The following ZNF345 variants were observed in gnomAD, a reference collection of about 807,000 sequenced individuals.
The protein encoded by ZNF345 is zinc finger protein HZF10.
For synonymous variants in ZNF345, 166 were observed against 187.9 expected (o/e 0.88, Z 0.95); for missense variants, 527 against 589.9 (o/e 0.89, Z 1.10).
At chr19:36,858,007 T>G (rs894474231) in intron 2 of ZNF345, among the ~76,000 whole-genome samples, 1 of 151,468 alleles carries the variant, frequency 6.6e-6, no homozygotes, top group Non-Finnish European at 1.5e-5. Flanking sequence ...CTCAAACTCC[T>G]GACCTCAGGT....
chr19:36,851,319 CGT>C (rs1258614561), intron 1 of ZNF345: 3 of 151,190 alleles, frequency 2.0e-5, no homozygotes, highest in African/African-American at 2.4e-5. Flanking sequence ...TGGCTGCTTC[CGT>C]GTGTGTGTGT....
chr19:36,851,499 G>A (rs1290069552), intron 1 of ZNF345: 2 of 152,596 alleles, frequency 1.3e-5, no homozygotes, highest in Non-Finnish European at 2.9e-5. Context: ...TTGTGTTTAG[G>A]TTTGGGGTGC....
At chr19:36,881,501 A>G (rs567745377), downstream of ZNF345, among the ~76,000 whole-genome samples, 119 of 152,252 alleles carry the variant, frequency 7.8e-4, no homozygotes, top group Non-Finnish European at 1.5e-3. Context: ...AAGGCTGGGG[A>G]AAAAAACCCT....
intron 3 of ZNF345, chr19:36,889,602 G>A (rs2073031415): frequency 6.6e-6 from 1 of 152,094 alleles, no homozygotes; most frequent in Non-Finnish European, 1.5e-5. Flanking sequence ...TATTTTATAT[G>A]TCTGTGTTAT....
At chr19:36,854,235 G>GTTTTTTTTTT (rs34215056) in intron 2 of ZNF345, among the ~76,000 whole-genome samples, 2 of 138,700 alleles carry the variant, frequency 1.4e-5, no homozygotes. Context: ...CCTGGGTTTT[G>GTTTTTTTTTT]TTTTTTTTTT....
At chr19:36,855,447 C>T (rs1455454377) in intron 2 of ZNF345, among the ~76,000 whole-genome samples, 2 of 58,588 alleles carry the variant, frequency 3.4e-5, no homozygotes, top group African/African-American at 1.4e-4. Flanking sequence ...CGAGCCTGGC[C>T]TTTTTTTTTT....
At chr19:36,852,949 T>G (rs1214950049) in intron 2 of ZNF345, among the ~76,000 whole-genome samples, 1 of 150,862 alleles carries the variant, frequency 6.6e-6, no homozygotes, top group Non-Finnish European at 1.5e-5. Context: ...TTATAAGGTG[T>G]TGTTCAAATA....
chr19:36,850,968 C>A lies in ZNF345; in HGVS notation c.-122C>A, dbSNP rs1229833723. The A allele has an allele frequency of 6.5e-6, 1 of 153,010 alleles. No individual in the cohort carries two copies. Among genetic ancestry groups the A allele is most frequent in the Non-Finnish European group, 1.5e-5 (1 of 68,516 alleles). 9.5% of individuals were successfully genotyped at this position (153,010 alleles called of 1,614,324 possible). ...ACGGAGCTGACCCTATCCGAACAGG[C>A]GTAAGTGAGGCGGCTCGGAGCCTGG... On this transcript the variant is annotated splice_region_variant and 5_prime_UTR_variant, in exon 1 of 3. Coordinates refer to ENST00000420450, the MANE Select transcript of ZNF345 (RefSeq NM_001242472.2).
At chr19:36,853,261 T>TC (rs995917179) in intron 2 of ZNF345, among the ~76,000 whole-genome samples, 3 of 149,678 alleles carry the variant, frequency 2.0e-5, no homozygotes, top group African/African-American at 7.4e-5. Flanking sequence ...TTTTTTTTTT[T>TC]TTTTGACTCG....
intron 2 of ZNF345, 118 bp from the exon 3 acceptor site, chr19:36,876,667 T>C (rs1173539391): frequency 6.0e-6 from 4 of 670,356 alleles, no homozygotes; most frequent in Non-Finnish European, 9.6e-6. Context: ...GAGAACTGTA[T>C]AAACCACTCA....
intron 2 of ZNF345, among the ~76,000 whole-genome samples, chr19:36,860,647 A>G (rs1026457897): frequency 6.6e-6 from 1 of 152,212 alleles, no homozygotes; most frequent in Non-Finnish European, 1.5e-5. Flanking sequence ...CAGGAATACC[A>G]TAAAGGTAAT....
rs35747733 is a variant in ZNF345 at position 36,852,128 on chromosome 19, CTTTT to C, written c.-47+240_-47+243del. Reference sequence around the variant, plus strand: ...CTTTTTCTTTTTTTTTTCTTTCTTTCTTTTTTTTTTTTTTTTTTTGAGACAGAAT... The same window carrying C: ...CTTTTTCTTTTTTTTTTCTTTCTTTCTTTTTTTTTTTTTTTGAGACAGAAT... On this transcript the variant is annotated intron_variant, in intron 2 of 2. Transcript: ENST00000420450. Among the ~76,000 whole-genome samples, 5 of 102,674 alleles carry C rather than the reference CTTTT, an allele frequency of 4.9e-5. No individual in the cohort carries two copies. The South Asian group carries it at 9.8e-4, about 20-fold the overall frequency. 67.4% of individuals were successfully genotyped at this position (102,674 alleles called of 152,430 possible). A position where few individuals can be genotyped will look rare whatever the true frequency, so the allele number is the denominator to read the frequency against.
At chr19:36,882,484 G>A, downstream of ZNF345, among the ~76,000 whole-genome samples, 1 of 152,120 alleles carries the variant, frequency 6.6e-6, no homozygotes, top group Admixed American at 6.6e-5. Flanking sequence ...GGCCAGGATG[G>A]TCTCGATCTC....
At chr19:36,857,140 G>A (rs888604183) in intron 2 of ZNF345, among the ~76,000 whole-genome samples, 1 of 151,982 alleles carries the variant, frequency 6.6e-6, no homozygotes, top group Non-Finnish European at 1.5e-5. Context: ...TGGCCTCATA[G>A]AGTTATTTCA....
chr19:36,864,550 G>A (rs8101749), intron 2 of ZNF345, among the ~76,000 whole-genome samples: 2,584 of 151,938 alleles, frequency 0.017, 81 homozygotes, highest in African/African-American at 0.059. Flanking sequence ...AAAATAATAA[G>A]AGCAGCCACT....
intron 2 of ZNF345, 27 bp downstream of exon 2, chr19:36,851,931 G>C (rs762602068): frequency 6.6e-6 from 1 of 152,082 alleles, no homozygotes; most frequent in South Asian, 2.1e-4. Flanking sequence ...TCTTGTTTAA[G>C]AAAAATCCCT....
intron 2 of ZNF345, among the ~76,000 whole-genome samples, chr19:36,866,692 G>A (rs1021953823): frequency 2.0e-5 from 3 of 152,104 alleles, no homozygotes; most frequent in Admixed American, 2.0e-4. Flanking sequence ...GGGATTACAG[G>A]CGTGCACCAC....
chr19:36,861,136 G>T (rs914656151), intron 2 of ZNF345, among the ~76,000 whole-genome samples: 1 of 152,178 alleles, frequency 6.6e-6, no homozygotes, highest in African/African-American at 2.4e-5. Context: ...GATTTGGCCA[G>T]CAGGAACCCA....
chr19:36,892,445 T>C, intron 3 of ZNF345: 1 of 1,595,942 alleles, frequency 6.3e-7, no homozygotes, highest in Non-Finnish European at 8.5e-7. Flanking sequence ...AGAGATAATA[T>C]TTTGGTCTCA....
Sources: allele counts gnomAD v4.1 joint callset (sites outside exome capture counted in the v4.1 genomes callset), GRCh38; gene constraint gnomAD v4.1.1; transcripts MANE v1.5; gene names NCBI Gene and HGNC (gene_info 2026-07-23, HGNC 2026-07-21).